Variants in FNIP2 observed in about 807,000 individuals in gnomAD.
FNIP2 encodes the protein folliculin-interacting protein 2.
FNIP2 carries 32 observed loss-of-function variants against 108.7 expected under a neutral mutation model. That is an observed-to-expected ratio of 0.29 (90% CI 0.22 to 0.40). FNIP2 has a LOEUF of 0.40. FNIP2 is among the 10% of genes least tolerant of loss of function. FNIP2 has a pLI of 1.00. For missense variants in FNIP2, 1,202 were observed against 1,381.6 expected, an observed-to-expected ratio of 0.87 and a Z score of 2.06; for synonymous variants, 480 against 496.7, an observed-to-expected ratio of 0.97 and a Z score of 0.45.
chr4:158,889,342 A>T (rs1782173265), intron 14 of FNIP2, among the ~76,000 whole-genome samples: 1 of 152,190 alleles, frequency 6.6e-6, no homozygotes, highest in African/African-American at 2.4e-5. Flanking sequence ...TTCTGATATA[A>T]CCTAAGCTTG....
intron 14 of FNIP2, among the ~76,000 whole-genome samples, chr4:158,887,096 C>T (rs1320948558): frequency 6.6e-6 from 1 of 152,174 alleles, no homozygotes; most frequent in Non-Finnish European, 1.5e-5. Context: ...GCCCCACCTT[C>T]CTATTCCTTT....
chr4:158,781,068 A>C (rs574363565), intron 1 of FNIP2, among the ~76,000 whole-genome samples: 1 of 151,974 alleles, frequency 6.6e-6, no homozygotes, highest in East Asian at 1.9e-4. Flanking sequence ...GAAAGTATGA[A>C]GTCTAAGTAC....
intron 14 of FNIP2, among the ~76,000 whole-genome samples, chr4:158,870,690 C>T (rs1039161765): frequency 2.0e-5 from 3 of 152,206 alleles, no homozygotes; most frequent in African/African-American, 7.2e-5. Flanking sequence ...GGGGAGGGTG[C>T]GTGACATCAG....
At chr4:158,885,136 A>G (rs1781956552) in intron 14 of FNIP2, among the ~76,000 whole-genome samples, 1 of 152,168 alleles carries the variant, frequency 6.6e-6, no homozygotes, top group Non-Finnish European at 1.5e-5. Context: ...AGCCTGGGCA[A>G]CAGAGTGAGA....
intron 1 of FNIP2, among the ~76,000 whole-genome samples, chr4:158,790,050 G>A (rs546945863): frequency 6.6e-6 from 1 of 152,018 alleles, no homozygotes; most frequent in East Asian, 2.0e-4. Flanking sequence ...AATCAAAACT[G>A]CTACATATGC....
rs533123891 is a variant in FNIP2 at position 158,878,187 on chromosome 4, C to T, written c.2949+7718C>T. 3.9e-5 allele frequency among the ~76,000 whole-genome samples: 6 copies of T among 152,258 alleles called. No homozygotes were observed. The South Asian group carries it at 1.0e-3, about 26-fold the overall frequency. ...AAAGCAGTAAGCATGAGCTGGTCCT[C>T]CAGGATTTCAGTCTTGATACAGGTC... On this transcript the variant is annotated intron_variant, in intron 14 of 16. Transcript: ENST00000264433.
chr4:158,827,004 AG>A (rs1267229868), intron 2 of FNIP2, among the ~76,000 whole-genome samples: 4 of 152,224 alleles, frequency 2.6e-5, no homozygotes, highest in African/African-American at 9.6e-5. Context: ...GCTTTTGATA[AG>A]GATCATTTCT....
At chr4:158,843,943 G>A (rs1032555348) in intron 7 of FNIP2, among the ~76,000 whole-genome samples, 2 of 152,186 alleles carry the variant, frequency 1.3e-5, no homozygotes, top group African/African-American at 4.8e-5. Context: ...ATCATTTGCT[G>A]TAGCCCTATT....
At chr4:158,781,713 C>T (rs776328106) in intron 1 of FNIP2, among the ~76,000 whole-genome samples, 5 of 152,180 alleles carry the variant, frequency 3.3e-5, no homozygotes, top group Non-Finnish European at 5.9e-5. Flanking sequence ...GACGGGGTTT[C>T]AGCATGTTGG....
chr4:158,878,552 T>A (rs1043893226), intron 14 of FNIP2, among the ~76,000 whole-genome samples: 5 of 152,090 alleles, frequency 3.3e-5, no homozygotes, highest in Admixed American at 2.0e-4. Context: ...ATAGAAACCT[T>A]TAGGACTCTG....
intron 8 of FNIP2, among the ~76,000 whole-genome samples, chr4:158,853,058 A>G (rs1013147755): frequency 1.2e-4 from 18 of 152,198 alleles, no homozygotes; most frequent in African/African-American, 4.3e-4. Context: ...TGTAAGATAT[A>G]ATAGAGATGA....
chr4:158,841,704 G>A (rs1779143123), intron 7 of FNIP2, among the ~76,000 whole-genome samples: 1 of 152,188 alleles, frequency 6.6e-6, no homozygotes, highest in African/African-American at 2.4e-5. Flanking sequence ...AGGCTGTCAT[G>A]ATAGTTTCTC....
chr4:158,785,645 A>C (rs1391744784), intron 1 of FNIP2, among the ~76,000 whole-genome samples: 5 of 150,674 alleles, frequency 3.3e-5, no homozygotes, highest in Admixed American at 6.6e-5. Context: ...ATGCTTCTTA[A>C]CTGTATTTAC....
chr4:158,794,272 C>G (rs1776510946), intron 1 of FNIP2, among the ~76,000 whole-genome samples: 1 of 152,008 alleles, frequency 6.6e-6, no homozygotes, highest in South Asian at 2.1e-4. Flanking sequence ...CCGGCCTCAG[C>G]CTCCCAAGCA....
chr4:158,829,284 C>T, intron 3 of FNIP2, 59 bp downstream of exon 3: 1 of 1,439,380 alleles, frequency 6.9e-7, no homozygotes, highest in Non-Finnish European at 9.3e-7. Context: ...ACTGTAATTT[C>T]TCCTTGGGAA....
rs567637059 is a variant in FNIP2 at position 158,895,904 on chromosome 4, G to T, written c.3266+39G>T. 6 of 1,421,334 alleles carry T rather than the reference G, an allele frequency of 4.2e-6. No homozygotes were observed. In the South Asian group the frequency reaches 6.0e-5, roughly 14 times the overall value. The allele number at this position is 1,421,334 out of a possible 1,614,324, so 88.0% of individuals were successfully genotyped here. A position where few individuals can be genotyped will look rare whatever the true frequency, so the allele number is the denominator to read the frequency against. On this transcript the variant is annotated intron_variant, in intron 16 of 16. Transcript: ENST00000264433. ...AGTGCCGTCACTTGTCCCTTTGATAGGTATCCCTAGCATTGTACCCACTAA... is the reference window on the plus strand; with the variant it reads ...AGTGCCGTCACTTGTCCCTTTGATATGTATCCCTAGCATTGTACCCACTAA...
Position 158,861,763 on chromosome 4 carries a change from T to G in FNIP2, c.1452T>G (p.Leu484=), listed in dbSNP as rs775779611. 6.2e-7 allele frequency: 1 copy of G among 1,614,004 alleles called. No individual in the cohort carries two copies. The highest frequency in any genetic ancestry group is 8.5e-7 in the Non-Finnish European group (1 of 1,179,882). ...MLAKTHPYNP[L]WAQLGDLYGA... Reference sequence around the variant, plus strand: ...CCAAAACACATCCGTATAATCCTCTTTGGGCACAGCTGGGTTAGTACCTAA... The same window carrying G: ...CCAAAACACATCCGTATAATCCTCTGTGGGCACAGCTGGGTTAGTACCTAA... The change falls in exon 12 of 17, where the codon CTT becomes CTG. Residue 484 remains leucine (L), a synonymous_variant. Transcript: ENST00000264433.
chr4:158,827,563 A>C (rs867853877), intron 2 of FNIP2, among the ~76,000 whole-genome samples: 1 of 152,178 alleles, frequency 6.6e-6, no homozygotes, highest in African/African-American at 2.4e-5. Context: ...TGGTTTCTCC[A>C]ATTATAGACT....
intron 16 of FNIP2, 57 bp downstream of exon 16, chr4:158,895,922 C>T (rs1034677079): frequency 6.5e-5 from 83 of 1,281,516 alleles, no homozygotes; most frequent in Non-Finnish European, 1.5e-5. Context: ...TAGCATTGTA[C>T]CCACTAACGT....
Sources: gnomAD v4.1 joint callset for allele counts (sites outside exome capture counted in the v4.1 genomes callset) on GRCh38, gnomAD v4.1.1 for gene constraint, MANE v1.5 for transcripts, NCBI Gene and HGNC (gene_info 2026-07-23, HGNC 2026-07-21) for gene names.